Variants in ZDBF2 observed in about 807,000 individuals in gnomAD.
The protein encoded by ZDBF2 is zinc finger DBF-type containing 2.
A neutral mutation model predicts 9.4 loss-of-function variants in ZDBF2; 6 were observed. That is an observed-to-expected ratio of 0.64 (90% CI 0.35 to 1.27). The LOEUF (loss-of-function observed/expected upper bound fraction) is 1.27, where lower values mean the gene tolerates loss of function less well. Ranked by LOEUF, ZDBF2 falls within the 50% of genes most tolerant of loss-of-function variation. The pLI is 0.03. For missense variants in ZDBF2, 2,697 were observed against 2,766.8 expected, an observed-to-expected ratio of 0.97 and a Z score of 0.57; for synonymous variants, 905 against 946.3, an observed-to-expected ratio of 0.96 and a Z score of 0.80.
Position 206,310,207 on chromosome 2 carries a change from G to T in ZDBF2, c.5679G>T (p.Val1893=). The T allele has an allele frequency of 6.2e-7, 1 of 1,613,960 alleles. No individual in the cohort carries two copies. Among genetic ancestry groups the T allele is most frequent in the Non-Finnish European group, 8.5e-7 (1 of 1,179,884 alleles). The change falls in exon 5 of 5, where the codon GTG becomes GTT. Residue 1893 remains valine (V), a synonymous_variant. Transcript: ENST00000374423. ...AGGACACTGCACCAACTCAAGCTGT[G>T]TCAGAGAGTGATGATATTGTCTGTG... ...GKEDTAPTQA[V]SESDDIVCGI... is the part of the protein sequence containing the mutation.
chr2:206,279,361 G>T (rs572676959), intron 1 of ZDBF2, among the ~76,000 whole-genome samples, 179 bp from the exon 2 acceptor site: 4 of 152,228 alleles, frequency 2.6e-5, no homozygotes, highest in Admixed American at 2.6e-4. Context: ...ACTTTAGGAG[G>T]TCATGTGTGA....
chr2:206,281,067 C>T (rs1691291092), intron 2 of ZDBF2, among the ~76,000 whole-genome samples: 2 of 152,094 alleles, frequency 1.3e-5, no homozygotes, highest in African/African-American at 4.8e-5. Flanking sequence ...CCTAGGCTCA[C>T]CCTAGCTCTA....
At chr2:206,278,499 A>G (rs1365707454) in intron 1 of ZDBF2, among the ~76,000 whole-genome samples, 2 of 152,226 alleles carry the variant, frequency 1.3e-5, no homozygotes, top group African/African-American at 4.8e-5. Flanking sequence ...CACAGTGCCT[A>G]AAGATACGGT....
chr2:206,307,255 T>G lies in ZDBF2; in HGVS notation c.2727T>G (p.Asn909Lys). ...EEQVHLENKE[N>K]EPIDSEVSLD... ...AGGTACACTTAGAAAATAAGGAAAA[T>G]GAACCTATTGATTCTGAAGTAAGTT... is the stretch of plus-strand genomic sequence containing the variant. Residue 909 changes from asparagine (N) to lysine (K), a missense_variant, in exon 5 of 5, where the codon AAT (asparagine) becomes AAG (lysine). Physicochemically the swap from Asn to Lys is moderately conservative, Grantham distance 94. This residue lies in a region of ZDBF2 where 1,783 missense variants were observed against 1,776.5 expected (regional missense o/e 1.00). Coordinates refer to ENST00000374423, the MANE Select transcript of ZDBF2 (RefSeq NM_020923.3). 6.2e-7 allele frequency: 1 copy of G among 1,606,738 alleles called. No individual in the cohort carries two copies. Among genetic ancestry groups the G allele is most frequent in the Non-Finnish European group, 8.5e-7 (1 of 1,178,034 alleles).
intron 3 of ZDBF2, among the ~76,000 whole-genome samples, chr2:206,283,032 A>G (rs1418901004): frequency 6.6e-6 from 1 of 152,230 alleles, no homozygotes; most frequent in Non-Finnish European, 1.5e-5. Flanking sequence ...CCAGGCTGTA[A>G]CATGCATCAC....
intron 3 of ZDBF2, chr2:206,292,006 A>C: frequency 2.5e-6 from 1 of 398,344 alleles, no homozygotes; most frequent in Non-Finnish European, 4.4e-6. Flanking sequence ...GGAATTTGTC[A>C]CCAGCAGACT....
rs777882263 is a variant in ZDBF2, at chr2:206,306,098, A to G, written c.1570A>G (p.Ile524Val). The G allele has an allele frequency of 1.2e-6, 2 of 1,613,834 alleles. No individual in the cohort carries two copies. The highest frequency in any genetic ancestry group is 1.1e-5 in the South Asian group (1 of 91,080). Residue 524 changes from isoleucine to valine, a missense_variant, in exon 5 of 5, where the codon ATT becomes GTT. This residue lies in a region of ZDBF2 where 910 missense variants were observed against 973.6 expected (regional missense o/e 0.93). Coordinates refer to ENST00000374423, the MANE Select transcript of ZDBF2 (RefSeq NM_020923.3). ...AGTAAACCTTCCTAAGGAAGTGCAC[A>G]TTGGTTTGGTTGATAAGAACTATGG... ...TEVNLPKEVH[I>V]GLVDKNYGSS... is the part of the protein sequence containing the mutation.
chr2:206,278,000 T>A, intron 1 of ZDBF2, among the ~76,000 whole-genome samples: 1 of 152,156 alleles, frequency 6.6e-6, no homozygotes, highest in African/African-American at 2.4e-5. Flanking sequence ...TTTTCTCCTA[T>A]TTTATGATAG....
At position 206,305,753 on chromosome 2, in the gene ZDBF2, G is replaced by C; in HGVS notation, c.1225G>C (p.Asp409His). The change falls in exon 5 of 5, where the codon GAT becomes CAT. Residue 409 changes from aspartate (D) to histidine (H), a missense_variant. Asp to His is a moderately conservative substitution (Grantham distance 81). Transcript: ENST00000374423. Reference sequence around the variant, plus strand: ...GTCTAGAGGTTCAGAAATGAGTTTTGATTGCAGTTCCTCTTTTCATTCACT... The same window carrying C: ...GTCTAGAGGTTCAGAAATGAGTTTTCATTGCAGTTCCTCTTTTCATTCACT... The part of the protein sequence containing the change: ...YESRGSEMSF[D>H]CSSSFHSLTD... The C allele has an allele frequency of 6.2e-7, 1 of 1,613,720 alleles. No individual in the cohort carries two copies. The highest frequency in any genetic ancestry group is 8.5e-7 in the Non-Finnish European group (1 of 1,179,800).
Position 206,311,237 on chromosome 2 carries a change from A to C in ZDBF2, c.6709A>C (p.Arg2237=). ...GAAATACTCTGTCTTTTTACGTCATAGATATCAGTCCAGGAGCGCTTTTCT... is the reference window on the plus strand; with the variant it reads ...GAAATACTCTGTCTTTTTACGTCATCGATATCAGTCCAGGAGCGCTTTTCT... ...ISKYSVFLRH[R]YQSRSAFLGR... Residue 2237 remains arginine, a synonymous_variant, in exon 5 of 5, where the codon AGA becomes CGA. Coordinates refer to ENST00000374423, the MANE Select transcript of ZDBF2 (RefSeq NM_020923.3). 1.2e-6 allele frequency: 2 copies of C among 1,611,708 alleles called. No individual in the cohort carries two copies. Among genetic ancestry groups the C allele is most frequent in the Non-Finnish European group, 1.7e-6 (2 of 1,178,834 alleles).
chr2:206,278,580 C>G (rs955630728), intron 1 of ZDBF2, among the ~76,000 whole-genome samples: 2 of 152,132 alleles, frequency 1.3e-5, no homozygotes, highest in African/African-American at 4.8e-5. Context: ...TTTATTGCCC[C>G]TTAAATTCTC....
At chr2:206,287,929 CTG>C (rs1443848895) in intron 3 of ZDBF2, among the ~76,000 whole-genome samples, 3 of 151,800 alleles carry the variant, frequency 2.0e-5, no homozygotes, top group African/African-American at 7.3e-5. Context: ...TGATTTTTAT[CTG>C]TGTTGAATTT....
chr2:206,297,292 G>A lies in ZDBF2; in HGVS notation c.107G>A (p.Arg36His), dbSNP rs760683378. The change falls in exon 4 of 5, where the codon CGT becomes CAT. Residue 36 changes from arginine to histidine, a missense_variant. Physicochemically the swap from Arg to His is conservative, Grantham distance 29. Transcript: ENST00000374423. ...QHRSLTRQSR[R>H]QICTSSLMER... ...AGGAGTTTGACCAGACAGAGTAGAC[G>A]TCAAATATGTACCAGTAGTTTGATG... The A allele has an allele frequency of 1.4e-5, 22 of 1,596,560 alleles. No individual in the cohort carries two copies. In the South Asian group the frequency reaches 1.4e-4, roughly 10 times the overall value.
Position 206,304,928 on chromosome 2 carries a change from C to G in ZDBF2, c.400C>G (p.Arg134Gly), listed in dbSNP as rs772203809. The G allele has an allele frequency of 8.1e-6, 13 of 1,613,454 alleles. No homozygotes were observed. Among genetic ancestry groups the G allele is most frequent in the Non-Finnish European group, 9.3e-6 (11 of 1,179,714 alleles). Residue 134 changes from arginine (R) to glycine (G), a missense_variant, in exon 5 of 5, where the codon CGA becomes GGA. Coordinates refer to ENST00000374423, the MANE Select transcript of ZDBF2 (RefSeq NM_020923.3). ...SQEGTQEVSV[R>G]PSVIQKLEKG... ...GGAAGGCACGCAGGAGGTTTCAGTT[C>G]GACCATCAGTTATTCAAAAACTGGA...
chr2:206,300,808 T>A (rs1692461461), intron 4 of ZDBF2, among the ~76,000 whole-genome samples: 1 of 152,254 alleles, frequency 6.6e-6, no homozygotes, highest in Admixed American at 6.5e-5. Flanking sequence ...TATTCAAGTA[T>A]TTAATACTTA....
chr2:206,310,108 T>A lies in ZDBF2; in HGVS notation c.5580T>A (p.Asp1860Glu). 1.9e-6 allele frequency: 3 copies of A among 1,613,576 alleles called. No homozygotes were observed. Among genetic ancestry groups the A allele is most frequent in the Non-Finnish European group, 2.5e-6 (3 of 1,179,802 alleles). The change falls in exon 5 of 5, where the codon GAT (aspartate) becomes GAA (glutamate). Residue 1860 changes from aspartate to glutamate, a missense_variant. Transcript: ENST00000374423. ...FREGRFHCYF[D>E]DDCETKKVSS... ...AAGGTCGTTTCCACTGTTACTTTGA[T>A]GATGACTGTGAGACCAAAAAAGTTT...
chr2:206,279,186 G>C (rs1691183671), intron 1 of ZDBF2, among the ~76,000 whole-genome samples: 1 of 152,168 alleles, frequency 6.6e-6, no homozygotes, highest in East Asian at 1.9e-4. Flanking sequence ...TGAGCCTCGG[G>C]AAGTTTCTCA....
In ZDBF2 at chr2:206,310,880, T is replaced by A. The variant is rs1238444363; in HGVS notation, c.6352T>A (p.Ser2118Thr). 8.7e-6 allele frequency: 14 copies of A among 1,613,828 alleles called. No homozygotes were observed. The highest frequency in any genetic ancestry group is 1.6e-4 in the Middle Eastern group (1 of 6,084). Residue 2118 changes from serine to threonine, a missense_variant, in exon 5 of 5, where the codon TCA (serine) becomes ACA (threonine). This residue lies in a region of ZDBF2 where 1,783 missense variants were observed against 1,776.5 expected (regional missense o/e 1.00). Coordinates refer to ENST00000374423, the MANE Select transcript of ZDBF2 (RefSeq NM_020923.3). ...MAVPARYGFN[S>T]HQGTSDSSLF... ...AGTGCCGGCAAGATATGGATTTAAT[T>A]CACATCAGGGAACCAGTGACTCTTC... is the stretch of plus-strand genomic sequence containing the variant.
Position 206,304,801 on chromosome 2 carries a change from AGAG to A in ZDBF2, c.276_278del (p.Glu92del), listed in dbSNP as rs1692681322. On this transcript the variant is annotated inframe_deletion, in exon 5 of 5. Coordinates refer to ENST00000374423, the MANE Select transcript of ZDBF2 (RefSeq NM_020923.3). The stretch of plus-strand genomic sequence containing the variant: ...ATGATGCTTTTTCTGAAGAAGAGGA[AGAG>A]GATGAGGATAAGGTTGAGGATGAGG... 6.2e-7 allele frequency: 1 copy of A among 1,613,722 alleles called. No individual in the cohort carries two copies. The highest frequency in any genetic ancestry group is 1.3e-5 in the African/African-American group (1 of 75,024).
Sources: gnomAD v4.1 joint callset for allele counts (sites outside exome capture counted in the v4.1 genomes callset) on GRCh38, gnomAD v4.1.1 for gene constraint, gnomAD v4.1.1 regional missense constraint, MANE v1.5 for transcripts, NCBI Gene and HGNC (gene_info 2026-07-23, HGNC 2026-07-21) for gene names.